Variants in PPM1J observed in about 807,000 individuals in gnomAD.
PPM1J encodes the protein protein phosphatase, Mg2+/Mn2+ dependent 1J.
In PPM1J, 43 loss-of-function variants were observed where a neutral mutation model predicts 53.3. The observed-to-expected ratio is 0.81, with a 90% CI of 0.63 to 1.04. PPM1J has a LOEUF of 1.04. PPM1J is among the 50% of genes least tolerant of loss of function. The pLI is 0.00. For missense variants in PPM1J, 635 were observed against 685.9 expected, an observed-to-expected ratio of 0.93 and a Z score of 0.83; for synonymous variants, 267 against 286.4, an observed-to-expected ratio of 0.93 and a Z score of 0.68.
Position 112,710,228 on chromosome 1 carries a change from G to C in PPM1J, c.1453C>G (p.Leu485Val). Reference sequence around the variant, plus strand: ...ACAGAGATGTCATCCCCGGAACCCAGCTTGTTGTTGGGGAGACGCCAGCCA... The same window carrying C: ...ACAGAGATGTCATCCCCGGAACCCACCTTGTTGTTGGGGAGACGCCAGCCA... ...DRGWRLPNNK[L>V]GSGDDISVFV... The change falls in exon 10 of 10, where the codon CTG becomes GTG. Residue 485 changes from leucine (L) to valine (V), a missense_variant. Physicochemically the swap from Leu to Val is conservative, Grantham distance 32 (BLOSUM62 1). Transcript: ENST00000309276. The C allele has an allele frequency of 1.3e-6, 2 of 1,587,838 alleles. No individual in the cohort carries two copies. Among genetic ancestry groups the C allele is most frequent in the Non-Finnish European group, 1.7e-6 (2 of 1,172,660 alleles).
chr1:112,714,256 T>C, intron 1 of PPM1J: 1 of 985,786 alleles, frequency 1.0e-6, no homozygotes, highest in Non-Finnish European at 1.2e-6. Flanking sequence ...ACCAGCCACC[T>C]TCCTCAGCGA....
At position 112,711,998 on chromosome 1, in the gene PPM1J, C is replaced by A. The variant is rs1053491562; in HGVS notation, c.900G>T (p.Glu300Asp). 1 of 1,609,578 alleles carries A rather than the reference C, an allele frequency of 6.2e-7. No homozygotes were observed. Among genetic ancestry groups the A allele is most frequent in the Admixed American group, 1.7e-5 (1 of 59,796 alleles). The change falls in exon 5 of 10, where the codon GAG (glutamate) becomes GAT (aspartate). Residue 300 changes from glutamate (E) to aspartate (D), a missense_variant. Coordinates refer to ENST00000309276, the MANE Select transcript of PPM1J (RefSeq NM_005167.7). ...GCAGCTGAAGACGCTGGCGCTCAGTCTCCGGGGTAAACTCCCGGGACATTG... is the reference window on the plus strand; with the variant it reads ...GCAGCTGAAGACGCTGGCGCTCAGTATCCGGGGTAAACTCCCGGGACATTG... The part of the protein sequence containing the change: ...IIPMSREFTP[E>D]TERQRLQLLG...
chr1:112,712,666 G>A, intron 3 of PPM1J, 78 bp downstream of exon 3: 1 of 1,457,478 alleles, frequency 6.9e-7, no homozygotes, highest in Non-Finnish European at 9.4e-7. Context: ...GGGTTCTCAG[G>A]GTAACCCCCT....
chr1:112,714,437 C>A, intron 1 of PPM1J: 2 of 985,982 alleles, frequency 2.0e-6, no homozygotes, highest in African/African-American at 3.5e-5. Context: ...CTACCCCGGG[C>A]GTCCCCCTCC....
intron 6 of PPM1J, 51 bp from the exon 7 acceptor site, chr1:112,711,122 C>A (rs1675046762): frequency 1.3e-6 from 2 of 1,560,230 alleles, no homozygotes; most frequent in Non-Finnish European, 1.8e-6. Context: ...AAGCCCCTCT[C>A]CCCTAGGAGC....
At chr1:112,714,129 G>A (rs1675137279) in intron 1 of PPM1J, 1 of 1,001,738 alleles carries the variant, frequency 1.0e-6, no homozygotes, top group African/African-American at 1.7e-5. Context: ...CCCAGATCGG[G>A]AAAGAGGAAC....
Position 112,713,547 on chromosome 1 carries a change from C to T in PPM1J, c.391G>A (p.Glu131Lys). 6.2e-7 allele frequency: 1 copy of T among 1,614,134 alleles called. No homozygotes were observed. Among genetic ancestry groups the T allele is most frequent in the Non-Finnish European group, 8.5e-7 (1 of 1,180,008 alleles). ...DQACCEVVYV[E>K]GRRSVTGVPR... ...ACTCCTGTAACACTCCTCCGACCTT[C>T]CACATACACCACTTCACAGCAAGCC... The change falls in exon 2 of 10, where the codon GAA becomes AAA. Residue 131 changes from glutamate to lysine, a missense_variant. Transcript: ENST00000309276.
chr1:112,715,028 G>T lies in PPM1J; in HGVS notation c.274C>A (p.Gln92Lys). ...CGGCGGCCCGTGTCCGGGGGGCTTT[G>T]CACAGCCCGGCCCGCGTGGTCATCG... ...RADDHAGRAV[Q>K]SPPDTGRRLP... The change falls in exon 1 of 10, where the codon CAA becomes AAA. Residue 92 changes from glutamine (Q) to lysine (K), a missense_variant. Coordinates refer to ENST00000309276, the MANE Select transcript of PPM1J (RefSeq NM_005167.7). This position sits in a 1 kb window ranked among gnomAD's most constrained non-coding sequence, Gnocchi z 4.4. 1 of 1,513,456 alleles carries T rather than the reference G, an allele frequency of 6.6e-7. No homozygotes were observed. The highest frequency in any genetic ancestry group is 2.2e-5 in the Admixed American group (1 of 46,202). 93.8% of individuals were successfully genotyped at this position (1,513,456 alleles called of 1,614,324 possible).
chr1:112,713,687 C>G, intron 1 of PPM1J, 76 bp from the exon 2 acceptor site: 1 of 1,179,322 alleles, frequency 8.5e-7, no homozygotes, highest in South Asian at 1.2e-5. Context: ...AGACACACAC[C>G]GTCTCCTGCG....
intron 5 of PPM1J, 71 bp from the exon 6 acceptor site, chr1:112,711,455 G>T: frequency 1.2e-6 from 1 of 861,624 alleles, no homozygotes; most frequent in Non-Finnish European, 1.9e-6. Context: ...GCACACAGAT[G>T]ACGTTGACTA....
In PPM1J at chr1:112,711,059, CT is replaced by C. The variant is rs748553691; in HGVS notation, c.1058del (p.Lys353ArgfsTer21). 38 of 1,613,970 alleles carry C rather than the reference CT, an allele frequency of 2.4e-5. No individual in the cohort carries two copies. Among genetic ancestry groups the C allele is most frequent in the Non-Finnish European group, 3.1e-5 (37 of 1,179,972 alleles). ...GAAACCTGAGATCCTCCAGCTCGAT[CT>C]TTTTGTAGGCCCTGGGGAGGGGGGA... ...DQNMTGWAYK[K>X]IELEDLRFPL... On this transcript the variant is annotated frameshift_variant, in exon 7 of 10. Coordinates refer to ENST00000309276, the MANE Select transcript of PPM1J (RefSeq NM_005167.7). LOFTEE classifies it high-confidence loss of function.
In PPM1J at chr1:112,715,074, G is replaced by C. The variant is rs773596712; in HGVS notation, c.228C>G (p.Ser76Arg). ...SFSRPTFLQL[S>R]PGGLRRADDH... ...CATCGGCGCGTCGCAGCCCCCCGGGGCTCAGCTGCAGAAAGGTCGGTCTGG... is the reference window on the plus strand; with the variant it reads ...CATCGGCGCGTCGCAGCCCCCCGGGCCTCAGCTGCAGAAAGGTCGGTCTGG... Residue 76 changes from serine to arginine, a missense_variant, in exon 1 of 10, where the codon AGC becomes AGG. By Grantham distance (110) the Ser-to-Arg change is moderately radical. Coordinates refer to ENST00000309276, the MANE Select transcript of PPM1J (RefSeq NM_005167.7). The surrounding 1 kb of genome is among the most constrained non-coding windows in gnomAD (Gnocchi z 4.4). 18 of 1,554,876 alleles carry C rather than the reference G, an allele frequency of 1.2e-5. No homozygotes were observed. Among genetic ancestry groups the C allele is most frequent in the Non-Finnish European group, 1.6e-5 (18 of 1,159,912 alleles).
intron 1 of PPM1J, chr1:112,714,591 C>T (rs2101485649): frequency 2.9e-6 from 3 of 1,032,790 alleles, no homozygotes; most frequent in Non-Finnish European, 3.5e-6. Flanking sequence ...CCGCTATGTC[C>T]CCTATTAAAA....
chr1:112,713,674 CT>C, intron 1 of PPM1J, 63 bp from the exon 2 acceptor site: 1 of 1,281,372 alleles, frequency 7.8e-7, no homozygotes. Flanking sequence ...TAACCCCCAC[CT>C]TAGACACACA....
In PPM1J at chr1:112,710,239, G is replaced by A. The variant is rs865789301; in HGVS notation, c.1442C>T (p.Pro481Leu). 5 of 1,591,566 alleles carry A rather than the reference G, an allele frequency of 3.1e-6. No individual in the cohort carries two copies. In the African/African-American group the frequency reaches 4.1e-5, roughly 13 times the overall value. ...GTPRDRGWRL[P>L]NNKLGSGDDI... The stretch of plus-strand genomic sequence containing the variant: ...ATCCCCGGAACCCAGCTTGTTGTTG[G>A]GGAGACGCCAGCCACGGTCTCGGGG... The change falls in exon 10 of 10, where the codon CCC becomes CTC. Residue 481 changes from proline (P) to leucine (L), a missense_variant. Coordinates refer to ENST00000309276, the MANE Select transcript of PPM1J (RefSeq NM_005167.7).
intron 3 of PPM1J, 51 bp from the exon 4 acceptor site, chr1:112,712,508 A>G: frequency 1.3e-6 from 2 of 1,494,814 alleles, no homozygotes; most frequent in Non-Finnish European, 9.3e-7. Context: ...GTTCCAGCAC[A>G]CAGTCACCCT....
At chr1:112,713,832 G>T (rs1438550557) in intron 1 of PPM1J, among the ~76,000 whole-genome samples, 1 of 151,974 alleles carries the variant, frequency 6.6e-6, no homozygotes, top group African/African-American at 2.4e-5. Context: ...AGGCCAGCAG[G>T]AGCTTCTGGC....
At chr1:112,714,047 G>C in intron 1 of PPM1J, 1 of 1,046,332 alleles carries the variant, frequency 9.6e-7, no homozygotes, top group Non-Finnish European at 1.2e-6. Context: ...CATCCTCATG[G>C]GCACACCCAC....
chr1:112,713,921 T>A, intron 1 of PPM1J: 1 of 681,064 alleles, frequency 1.5e-6, no homozygotes, highest in Non-Finnish European at 2.2e-6. Flanking sequence ...GCATTCCTAG[T>A]GGTGCTTCTG....
Sources: gnomAD v4.1 joint callset for allele counts (sites outside exome capture counted in the v4.1 genomes callset) on GRCh38, gnomAD v4.1.1 for gene constraint, Gnocchi (gnomAD v3.1) non-coding constraint, MANE v1.5 for transcripts, NCBI Gene and HGNC (gene_info 2026-07-23, HGNC 2026-07-21) for gene names.